The following MACF1 variants were observed in gnomAD, a reference collection of about 807,000 sequenced individuals.
The protein encoded by MACF1 is microtubule actin crosslinking factor 1.
Under a neutral mutation model 854.8 loss-of-function variants are expected in MACF1, and 193 were observed. The observed-to-expected ratio is 0.23, with a 90% CI of 0.20 to 0.25. The LOEUF is 0.25. Among genes scored for constraint, MACF1 ranks in the 10% least tolerant of loss-of-function variants. The pLI is 1.00. For synonymous variants in MACF1, 3,185 were observed against 3,226.7 expected (o/e 0.99, Z 0.44); for missense variants, 7,722 against 8,929.1 (o/e 0.86, Z 5.45).
rs191515843 is a variant in MACF1 at position 39,410,414 on chromosome 1, A to T, written c.15817-11960A>T. On this transcript the variant is annotated intron_variant, in intron 58 of 100. Transcript: ENST00000564288. ...ATGAGGATAAATGAGCAAATTGACC[A>T]GGGGTCAAAGCTTAACCAGACTTCA... 683 of 1,614,054 alleles carry T rather than the reference A, an allele frequency of 4.2e-4. 3 individuals carry two copies. The highest frequency in any genetic ancestry group is 5.5e-4 in the Non-Finnish European group (652 of 1,179,904).
chr1:39,424,888 C>A (rs1382480587), intron 61 of MACF1, among the ~76,000 whole-genome samples: 1 of 152,184 alleles, frequency 6.6e-6, no homozygotes, highest in Non-Finnish European at 1.5e-5. Flanking sequence ...GTATCCTTTA[C>A]ATTTCCTAGG....
intron 2 of MACF1, among the ~76,000 whole-genome samples, chr1:39,121,716 A>C (rs112205225): frequency 0.16 from 24,915 of 152,154 alleles, 2,550 homozygotes; most frequent in Middle Eastern, 0.22. Context: ...CCAAAGTGCT[A>C]GGATTATAGG....
chr1:39,469,538 T>C lies in MACF1; in HGVS notation c.21890-9T>C, dbSNP rs754894443. On this transcript the variant is annotated splice_polypyrimidine_tract_variant and intron_variant, in intron 96 of 100. Transcript: ENST00000564288. ...CTGTTTCTTTCTGTTTACGTATTTT[T>C]TATTCTAGTTCACCATCCTGGGAGT... 6 of 1,546,604 alleles carry C rather than the reference T, an allele frequency of 3.9e-6. No individual in the cohort carries two copies. The South Asian group carries it at 7.1e-5, about 18-fold the overall frequency.
chr1:39,311,656 T>G (rs931317097), intron 26 of MACF1, among the ~76,000 whole-genome samples: 2 of 152,214 alleles, frequency 1.3e-5, no homozygotes, highest in African/African-American at 2.4e-5. Context: ...AGATCCTTGT[T>G]TTTTGGCTTA....
At chr1:39,181,236 T>G (rs940058731) in intron 2 of MACF1, among the ~76,000 whole-genome samples, 2 of 152,186 alleles carry the variant, frequency 1.3e-5, no homozygotes, top group Non-Finnish European at 2.9e-5. Flanking sequence ...AGCATATTAC[T>G]TATTTTGGGG....
chr1:39,190,122 G>A (rs550695683), intron 2 of MACF1, among the ~76,000 whole-genome samples: 1 of 152,250 alleles, frequency 6.6e-6, no homozygotes, highest in South Asian at 2.1e-4. Flanking sequence ...AATCTGATAT[G>A]TGCTTATTTA....
In MACF1 at chr1:39,429,802, A is replaced by T. The variant is rs185235827; in HGVS notation, c.16889-25A>T. 8.1e-6 allele frequency: 13 copies of T among 1,611,722 alleles called. No individual in the cohort carries two copies. The African/African-American group carries it at 1.7e-4, about 22-fold the overall frequency. On this transcript the variant is annotated intron_variant, in intron 64 of 100. Transcript: ENST00000564288. Reference sequence around the variant, plus strand: ...CTCATTCCTAGGTCTCTTAAATATGAGTAATTGTGTGCTATCTTCCATAGG... The same window carrying T: ...CTCATTCCTAGGTCTCTTAAATATGTGTAATTGTGTGCTATCTTCCATAGG...
chr1:39,402,001 C>T (rs749855940), intron 58 of MACF1, among the ~76,000 whole-genome samples: 4 of 152,238 alleles, frequency 2.6e-5, no homozygotes, highest in Admixed American at 1.3e-4. Context: ...CACTTGAGGT[C>T]AGGAGTTCAA....
At chr1:39,247,122 G>A (rs1272952873) in intron 2 of MACF1, among the ~76,000 whole-genome samples, 2 of 144,464 alleles carry the variant, frequency 1.4e-5, no homozygotes, top group South Asian at 2.2e-4. Context: ...GCCCAGGCTG[G>A]AGTGCAGTGG....
At chr1:39,272,578 G>C (rs764961906) in intron 6 of MACF1, among the ~76,000 whole-genome samples, 14 of 152,088 alleles carry the variant, frequency 9.2e-5, no homozygotes, top group Non-Finnish European at 1.9e-4. Context: ...AAAATAATTT[G>C]AGTTCCAGCC....
chr1:39,283,979 A>G lies in MACF1; in HGVS notation c.916-87A>G. 9 of 1,416,686 alleles carry G rather than the reference A, an allele frequency of 6.4e-6. No homozygotes were observed. Among genetic ancestry groups the G allele is most frequent in the East Asian group, 2.3e-5 (1 of 43,788 alleles). The allele number at this position is 1,416,686 out of a possible 1,614,324, so 87.8% of individuals were successfully genotyped here. On this transcript the variant is annotated intron_variant, in intron 9 of 100. Coordinates refer to ENST00000564288, the MANE Select transcript of MACF1 (RefSeq NM_001394062.1). This position sits in a 1 kb window ranked among gnomAD's most constrained non-coding sequence, Gnocchi z 4.5. Reference sequence around the variant, plus strand: ...GGCAATTAAAGGAAATGGATTTTATATAGTTTGGAGTGGCCTGAGCTACTT... The same window carrying G: ...GGCAATTAAAGGAAATGGATTTTATGTAGTTTGGAGTGGCCTGAGCTACTT...
chr1:39,181,688 G>A (rs1252879943), intron 2 of MACF1, among the ~76,000 whole-genome samples: 2 of 152,130 alleles, frequency 1.3e-5, no homozygotes, highest in Non-Finnish European at 2.9e-5. Flanking sequence ...AGACAGGATG[G>A]TACTGGCATA....
At chr1:39,207,879 AT>A (rs1470177148) in intron 1 of MACF1, among the ~76,000 whole-genome samples, 8 of 152,070 alleles carry the variant, frequency 5.3e-5, no homozygotes, top group African/African-American at 1.4e-4. Context: ...CACACCTGTA[AT>A]TCCAGCACTT....
At chr1:39,383,308 T>C (rs1242393877) in intron 56 of MACF1, among the ~76,000 whole-genome samples, 3 of 152,202 alleles carry the variant, frequency 2.0e-5, no homozygotes, top group South Asian at 2.1e-4. Context: ...ATCCAGGTAA[T>C]TATTGAGTCC....
At chr1:39,207,283 T>C (rs1644461630) in intron 1 of MACF1, among the ~76,000 whole-genome samples, 1 of 143,942 alleles carries the variant, frequency 6.9e-6, no homozygotes, top group African/African-American at 2.5e-5. Flanking sequence ...TCTTTCTTTC[T>C]TTTTTTTTTT....
intron 6 of MACF1, among the ~76,000 whole-genome samples, chr1:39,259,246 C>A (rs1398484843): frequency 6.6e-6 from 1 of 152,194 alleles, no homozygotes; most frequent in Non-Finnish European, 1.5e-5. Context: ...TATTCACTGT[C>A]TCTATTCACC....
chr1:39,100,739 AGCTACTCGAGAG>A (rs1049686752), intron 2 of MACF1, among the ~76,000 whole-genome samples: 5 of 151,934 alleles, frequency 3.3e-5, no homozygotes, highest in Non-Finnish European at 4.4e-5. Flanking sequence ...CTGTAATCCC[AGCTACTCGAGAG>A]GCTGAGGCAG....
At chr1:39,186,216 G>A (rs11205733) in intron 2 of MACF1, among the ~76,000 whole-genome samples, 8 of 91,188 alleles carry the variant, frequency 8.8e-5, no homozygotes, top group African/African-American at 3.9e-4. Context: ...CTCTCTCTCT[G>A]TGTGTGTGTG....
At chr1:39,431,271 A>G (rs1220057017) in intron 66 of MACF1, among the ~76,000 whole-genome samples, 1 of 140,088 alleles carries the variant, frequency 7.1e-6, no homozygotes, top group Non-Finnish European at 1.5e-5. Flanking sequence ...TCTTAGCATT[A>G]GATGGAAGAG....
Sources: allele counts gnomAD v4.1 joint callset (sites outside exome capture counted in the v4.1 genomes callset), GRCh38; gene constraint gnomAD v4.1.1; non-coding constraint Gnocchi (gnomAD v3.1); transcripts MANE v1.5; gene names NCBI Gene and HGNC (gene_info 2026-07-23, HGNC 2026-07-21).